The following FHOD3 variants were observed in gnomAD, a reference collection of about 807,000 sequenced individuals.
FHOD3 encodes FH1/FH2 domain-containing protein 3.
A neutral mutation model predicts 173.0 loss-of-function variants in FHOD3; 90 were observed. That is an observed-to-expected ratio of 0.52 (90% CI 0.44 to 0.62). The LOEUF (loss-of-function observed/expected upper bound fraction) is 0.62, where lower values mean the gene tolerates loss of function less well. Ranked by LOEUF, FHOD3 falls within the 20% of genes least tolerant of loss-of-function variation. The probability of loss-of-function intolerance (pLI) is 0.00; values close to 1 mark genes in which losing one functional copy is unlikely to be tolerated. For missense variants in FHOD3, 1,945 were observed against 2,034.7 expected, an observed-to-expected ratio of 0.96 and a Z score of 0.85; for synonymous variants, 828 against 823.0, an observed-to-expected ratio of 1.01 and a Z score of -0.10.
intron 3 of FHOD3, among the ~76,000 whole-genome samples, chr18:36,390,640 T>G (rs980951137): frequency 6.6e-6 from 1 of 152,240 alleles, no homozygotes; most frequent in Admixed American, 6.5e-5. Flanking sequence ...CTCTGACCTC[T>G]GTGACTTGGT....
chr18:36,719,001 G>A (rs910672934), intron 19 of FHOD3, among the ~76,000 whole-genome samples: 1 of 152,304 alleles, frequency 6.6e-6, no homozygotes, highest in South Asian at 2.1e-4. Flanking sequence ...GTCAACTAAG[G>A]AATGTCAGCA....
chr18:36,553,214 G>T (rs1196412307), intron 5 of FHOD3, among the ~76,000 whole-genome samples: 1 of 152,140 alleles, frequency 6.6e-6, no homozygotes, highest in East Asian at 1.9e-4. Context: ...TGCTGGATTC[G>T]ATTTGCCAGT....
chr18:36,631,608 A>G (rs114801149), intron 10 of FHOD3, among the ~76,000 whole-genome samples: 2,400 of 152,282 alleles, frequency 0.016, 66 homozygotes, highest in African/African-American at 0.054. Context: ...TTTTGCTATT[A>G]TGTCACGATA....
chr18:36,726,517 T>G (rs1011508844), intron 19 of FHOD3, among the ~76,000 whole-genome samples: 4 of 152,104 alleles, frequency 2.6e-5, no homozygotes, highest in Non-Finnish European at 5.9e-5. Flanking sequence ...GGCATTTACA[T>G]TTTCTAACCT....
At chr18:36,726,471 C>T (rs2043243141) in intron 19 of FHOD3, among the ~76,000 whole-genome samples, 1 of 152,134 alleles carries the variant, frequency 6.6e-6, no homozygotes, top group African/African-American at 2.4e-5. Flanking sequence ...CGTCACATCT[C>T]ACTCCCTCTT....
rs2041862222 is a variant in FHOD3 at position 36,740,709 on chromosome 18, T to C, written c.3630T>C (p.Ala1210=). 1.2e-6 allele frequency: 2 copies of C among 1,613,916 alleles called. No individual in the cohort carries two copies. ...AGGAGAAGCAGAAAATCCAGGAAGC[T>C]CAGCTGGCCAACCCTGAAATCCCCC... ...TDEEKQKIQE[A]QLANPEIPLG... Residue 1210 remains alanine, a synonymous_variant, in exon 21 of 29, where the codon GCT becomes GCC. Coordinates refer to ENST00000590592, the MANE Select transcript of FHOD3 (RefSeq NM_001281740.3).
In FHOD3 at chr18:36,372,624, G is replaced by A. The variant is rs1037468646; in HGVS notation, c.273-56G>A. 6.2e-6 allele frequency: 9 copies of A among 1,457,924 alleles called. No individual in the cohort carries two copies. The African/African-American group carries it at 1.1e-4, about 18-fold the overall frequency. 90.3% of individuals were successfully genotyped at this position (1,457,924 alleles called of 1,614,324 possible). On this transcript the variant is annotated intron_variant, in intron 2 of 28. Transcript: ENST00000590592. ...GAACCTTCACGTGGATTGACAGCAT[G>A]TGAGGTGTCTCTGCTGACTCCTCTG...
chr18:36,469,717 T>G (rs139208274), intron 3 of FHOD3, among the ~76,000 whole-genome samples: 1 of 152,024 alleles, frequency 6.6e-6, no homozygotes, highest in Non-Finnish European at 1.5e-5. Context: ...TGGATCTCAA[T>G]GTGAAACCAG....
At chr18:36,725,678 C>G (rs924449844) in intron 19 of FHOD3, among the ~76,000 whole-genome samples, 4 of 152,186 alleles carry the variant, frequency 2.6e-5, no homozygotes, top group African/African-American at 9.7e-5. Context: ...TTCCCCTGGC[C>G]TTTTCCCTTC....
intron 17 of FHOD3, among the ~76,000 whole-genome samples, chr18:36,703,269 A>G (rs1056699070): frequency 6.6e-6 from 1 of 152,162 alleles, no homozygotes; most frequent in Admixed American, 6.5e-5. Flanking sequence ...GGGTGTTAAT[A>G]TCCCAGTTTC....
chr18:36,765,724 A>G (rs2150337685), intron 27 of FHOD3, among the ~76,000 whole-genome samples: 1 of 152,326 alleles, frequency 6.6e-6, no homozygotes, highest in East Asian at 1.9e-4. Flanking sequence ...GCAGAGACTG[A>G]TCACAGCAAA....
chr18:36,626,754 A>G lies in FHOD3; in HGVS notation c.1196+1005A>G, dbSNP rs552326174. ...GTCACCAGGCTACATTATGAGGAAG[A>G]AAATCACTCAGAATAAGTTGGATGA... On this transcript the variant is annotated intron_variant, in intron 10 of 28. Coordinates refer to ENST00000590592, the MANE Select transcript of FHOD3 (RefSeq NM_001281740.3). Among the ~76,000 whole-genome samples, 4 of 152,246 alleles carry G rather than the reference A, an allele frequency of 2.6e-5. No homozygotes were observed. In the South Asian group the frequency reaches 8.3e-4, roughly 32 times the overall value.
chr18:36,674,568 G>A (rs1043705911), intron 14 of FHOD3, among the ~76,000 whole-genome samples: 22 of 152,228 alleles, frequency 1.4e-4, no homozygotes, highest in Non-Finnish European at 1.0e-4. Flanking sequence ...CAGCAACTAG[G>A]TGTCTGGTTG....
chr18:36,747,714 G>A (rs1009457903), intron 24 of FHOD3, among the ~76,000 whole-genome samples: 2 of 152,160 alleles, frequency 1.3e-5, no homozygotes, highest in African/African-American at 2.4e-5. Context: ...TGCCCACAAG[G>A]AGAATGGGGT....
intron 10 of FHOD3, among the ~76,000 whole-genome samples, chr18:36,640,684 T>A (rs887941538): frequency 5.9e-5 from 9 of 152,178 alleles, no homozygotes; most frequent in Non-Finnish European, 8.8e-5. Flanking sequence ...AAATGGGTCA[T>A]AAGGCACTGC....
intron 3 of FHOD3, among the ~76,000 whole-genome samples, chr18:36,407,060 G>C (rs1007435598): frequency 2.6e-5 from 4 of 152,216 alleles, no homozygotes; most frequent in African/African-American, 9.7e-5. Flanking sequence ...CAACTGATCA[G>C]TGGTAAAGAT....
chr18:36,471,041 C>T (rs1323456280), intron 3 of FHOD3, among the ~76,000 whole-genome samples: 2 of 152,176 alleles, frequency 1.3e-5, no homozygotes, highest in African/African-American at 2.4e-5. Context: ...ACAATTACTC[C>T]CACATGGCTC....
At chr18:36,698,713 C>T (rs2039417773) in intron 17 of FHOD3, among the ~76,000 whole-genome samples, 1 of 152,204 alleles carries the variant, frequency 6.6e-6, no homozygotes, top group Non-Finnish European at 1.5e-5. Context: ...AATGTGCTGC[C>T]TTGCCACAAT....
chr18:36,496,233 A>G lies in FHOD3; in HGVS notation c.338-5699A>G, dbSNP rs73423274. Among the ~76,000 whole-genome samples, 871 of 152,264 alleles carry G rather than the reference A, an allele frequency of 5.7e-3. 11 individuals are homozygous for G. Among genetic ancestry groups the G allele is most frequent in the African/African-American group, 0.02 (813 of 41,536 alleles). On this transcript the variant is annotated intron_variant, in intron 3 of 28. Coordinates refer to ENST00000590592, the MANE Select transcript of FHOD3 (RefSeq NM_001281740.3). ...AACCCAGGCCCTGGGCTGTGGGAGG[A>G]AGTGCTTCTCCTTTGGTCTGTGTGG...
Sources: allele counts gnomAD v4.1 joint callset (sites outside exome capture counted in the v4.1 genomes callset), GRCh38; gene constraint gnomAD v4.1.1; transcripts MANE v1.5; gene names NCBI Gene and HGNC (gene_info 2026-07-23, HGNC 2026-07-21).